The following ZP3 variants were observed in gnomAD, a reference collection of about 807,000 sequenced individuals.
ZP3 encodes the protein zona pellucida sperm-binding protein 3.
ZP3 carries 21 observed loss-of-function variants against 35.6 expected under a neutral mutation model. That is an observed-to-expected ratio of 0.59 (90% confidence interval 0.42 to 0.85). The LOEUF is 0.85. Ranked by LOEUF, ZP3 falls within the 40% of genes least tolerant of loss-of-function variation. The pLI, the probability that ZP3 is intolerant of heterozygous loss-of-function variation, is 0.00. For missense variants in ZP3, 437 were observed against 536.5 expected, an observed-to-expected ratio of 0.81 and a Z score of 1.83; for synonymous variants, 207 against 214.5, an observed-to-expected ratio of 0.96 and a Z score of 0.31.
upstream of ZP3, among the ~76,000 whole-genome samples, chr7:76,423,026 AG>A (rs1805550620): frequency 3.8e-5 from 2 of 52,840 alleles, no homozygotes; most frequent in Admixed American, 2.1e-4. Context: ...AGAGAGAGAG[AG>A]AAAGAAAGAA....
At chr7:76,420,492 CCCAT>C (rs1805480432), upstream of ZP3, among the ~76,000 whole-genome samples, 1 of 152,132 alleles carries the variant, frequency 6.6e-6, no homozygotes, top group Non-Finnish European at 1.5e-5. Context: ...TATTGCATTT[CCCAT>C]CCATGAACAT....
intron 2 of ZP3, 80 bp from the exon 3 acceptor site, chr7:76,432,843 GTAGC>G: frequency 8.6e-7 from 1 of 1,165,438 alleles, no homozygotes; most frequent in Non-Finnish European, 1.3e-6. Flanking sequence ...CTGTAGTGGG[GTAGC>G]AGTGAGATAC....
At chr7:76,429,450 G>C (rs6465128) in intron 1 of ZP3, 65 bp from the exon 2 acceptor site, 2 of 1,516,294 alleles carry the variant, frequency 1.3e-6, no homozygotes, top group Non-Finnish European at 1.8e-6. Context: ...TGAGCACTCA[G>C]GTATGGCTTG....
At chr7:76,429,448 C>A in intron 1 of ZP3, 67 bp from the exon 2 acceptor site, 1 of 1,498,596 alleles carries the variant, frequency 6.7e-7, no homozygotes, top group South Asian at 1.1e-5. Context: ...CCTGAGCACT[C>A]AGGTATGGCT....
chr7:76,442,001 T>C lies in ZP3; in HGVS notation c.1220T>C (p.Leu407Pro). The C allele has an allele frequency of 8.4e-7, 1 of 1,191,544 alleles. No individual in the cohort carries two copies. Among genetic ancestry groups the C allele is most frequent in the Non-Finnish European group, 1.2e-6 (1 of 816,880 alleles). 73.8% of individuals were successfully genotyped at this position (1,191,544 alleles called of 1,614,324 possible). The change falls in exon 8 of 8, where the codon CTG (leucine) becomes CCG (proline). Residue 407 changes from leucine (L) to proline (P), a missense_variant. Physicochemically the swap from Leu to Pro is moderately conservative, Grantham distance 98. This residue lies in a region of ZP3 where 7 missense variants were observed against 49.7 expected (regional missense o/e 0.14). Coordinates refer to ENST00000394857, the MANE Select transcript of ZP3 (RefSeq NM_001110354.2). ...TCCCTGACTCTGACTGCTGTTATCC[T>C]GGTTCTCACCAGGAGGTGTCGCACT... Reference protein sequence around the residue: ...VVSLTLTAVILVLTRRCRTAS... With the variant: ...VVSLTLTAVIPVLTRRCRTAS...
chr7:76,408,545 C>G (rs2115824933), intron 1 of ZP3, among the ~76,000 whole-genome samples: 1 of 152,280 alleles, frequency 6.6e-6, no homozygotes, highest in South Asian at 2.1e-4. Flanking sequence ...GGACAGGCAA[C>G]TTCCAGAGAC....
intron 1 of ZP3, 94 bp downstream of exon 1, chr7:76,425,370 G>A (rs1445935661): frequency 1.5e-6 from 2 of 1,358,566 alleles, no homozygotes. Flanking sequence ...GGTGGGGTTG[G>A]GTGGATCCCT....
intron 1 of ZP3, among the ~76,000 whole-genome samples, chr7:76,407,363 G>C (rs570747668): frequency 1.4e-5 from 2 of 147,734 alleles, no homozygotes; most frequent in Non-Finnish European, 3.0e-5. Flanking sequence ...ACAGAGTCTC[G>C]CCTTGTCGCC....
At chr7:76,429,946 A>T (rs1805779692) in intron 2 of ZP3, among the ~76,000 whole-genome samples, 2 of 152,082 alleles carry the variant, frequency 1.3e-5, no homozygotes, top group Non-Finnish European at 2.9e-5. Context: ...GGCTGGGGCC[A>T]GGTGCAGTGG....
At chr7:76,401,949 A>C (rs1038273846) in intron 1 of ZP3, among the ~76,000 whole-genome samples, 1 of 152,082 alleles carries the variant, frequency 6.6e-6, no homozygotes, top group Non-Finnish European at 1.5e-5. Flanking sequence ...TAAATGTGTA[A>C]ATTGGCTTTG....
chr7:76,424,830 G>A (rs1805599099), upstream of ZP3: 24 of 769,578 alleles, frequency 3.1e-5, no homozygotes, highest in Non-Finnish European at 4.6e-5. Flanking sequence ...TCTGGATGGA[G>A]ACCACTTTAT....
In ZP3 at chr7:76,425,385, C is replaced by T. The variant is rs1029897288; in HGVS notation, c.312+109C>T. 40 of 1,224,754 alleles carry T rather than the reference C, an allele frequency of 3.3e-5. No homozygotes were observed. In the Admixed American group the frequency reaches 9.6e-4, roughly 29 times the overall value. 75.9% of individuals were successfully genotyped at this position (1,224,754 alleles called of 1,614,324 possible). A position where few individuals can be genotyped will look rare whatever the true frequency, so the allele number is the denominator to read the frequency against. On this transcript the variant is annotated intron_variant, in intron 1 of 7. Coordinates refer to ENST00000394857, the MANE Select transcript of ZP3 (RefSeq NM_001110354.2). Reference sequence around the variant, plus strand: ...GGTGGGGTTGGGTGGATCCCTCTCACTTGTAGGTGGGGAGGTGGCCCAGTT... The same window carrying T: ...GGTGGGGTTGGGTGGATCCCTCTCATTTGTAGGTGGGGAGGTGGCCCAGTT...
chr7:76,418,623 A>G lies in ZP3; in HGVS notation c.-66-6429A>G, dbSNP rs577149518. 5.8e-4 allele frequency among the ~76,000 whole-genome samples: 76 copies of G among 132,066 alleles called. 1 individual carries two copies. The East Asian group carries it at 9.3e-3, about 16-fold the overall frequency. 86.6% of individuals were successfully genotyped at this position (132,066 alleles called of 152,430 possible). ...TATAATCCCAGCACTTTGGGAGGCC[A>G]AGGCGGGCAGATCACGAGGTCAGGC... On this transcript the variant is annotated intron_variant, in intron 1 of 8. Coordinates refer to the ZP3 transcript ENST00000336517.
At chr7:76,438,544 A>G (rs1806098256) in intron 5 of ZP3, among the ~76,000 whole-genome samples, 1 of 148,956 alleles carries the variant, frequency 6.7e-6, no homozygotes, top group Non-Finnish European at 1.5e-5. Flanking sequence ...CTCAGAAAAA[A>G]AAAAAAAAAA....
chr7:76,441,525 A>G (rs1806198881), intron 7 of ZP3, among the ~76,000 whole-genome samples: 1 of 151,764 alleles, frequency 6.6e-6, no homozygotes, highest in African/African-American at 2.4e-5. Context: ...AGTAGCTGAG[A>G]CTACAGGCAT....
chr7:76,412,784 A>G (rs1017977735), intron 1 of ZP3, among the ~76,000 whole-genome samples: 12 of 151,318 alleles, frequency 7.9e-5, no homozygotes, highest in African/African-American at 2.9e-4. Flanking sequence ...GGGAGGCGGA[A>G]GTTGCAGTGA....
intron 1 of ZP3, 24 bp from the exon 2 acceptor site, chr7:76,429,491 A>G: frequency 6.2e-7 from 1 of 1,611,124 alleles, no homozygotes; most frequent in Non-Finnish European, 8.5e-7. Flanking sequence ...GGCCGGCAGC[A>G]TTAACTTCTC....
intron 1 of ZP3, 78 bp from the exon 2 acceptor site, chr7:76,429,437 C>G: frequency 7.1e-7 from 1 of 1,402,390 alleles, no homozygotes; most frequent in Non-Finnish European, 1.0e-6. Flanking sequence ...GGGCTGCCCT[C>G]CCTGAGCACT....
At chr7:76,428,807 G>C (rs1340638026) in intron 1 of ZP3, 1 of 152,306 alleles carries the variant, frequency 6.6e-6, no homozygotes, top group East Asian at 1.9e-4. Context: ...TCAGTCTCCC[G>C]AGTAGCTGGG....
Sources: gnomAD v4.1 joint callset for allele counts (sites outside exome capture counted in the v4.1 genomes callset) on GRCh38, gnomAD v4.1.1 for gene constraint, gnomAD v4.1.1 regional missense constraint, MANE v1.5 for transcripts, NCBI Gene and HGNC (gene_info 2026-07-23, HGNC 2026-07-21) for gene names.